AP2B1: variants seen among roughly 807,000 people sequenced by gnomAD.
AP2B1 encodes adaptor related protein complex 2 subunit beta 1.
AP2B1 carries 23 observed loss-of-function variants against 102.0 expected under a neutral mutation model. That is an observed-to-expected ratio of 0.23 (90% confidence interval 0.16 to 0.32). The LOEUF (loss-of-function observed/expected upper bound fraction) is 0.32. Among genes scored for constraint, AP2B1 ranks in the 10% least tolerant of loss-of-function variants. The pLI is 1.00. For missense variants in AP2B1, 541 were observed against 1,157.4 expected (o/e 0.47, Z 7.73); for synonymous variants, 381 against 421.2 (o/e 0.90, Z 1.17).
At chr17:35,691,787 T>G (rs587662445) in intron 18 of AP2B1, among the ~76,000 whole-genome samples, 35 of 152,344 alleles carry the variant, frequency 2.3e-4, no homozygotes, top group Admixed American at 2.3e-3. Context: ...TATGAAAGAT[T>G]AAAACATTTT....
chr17:35,680,544 AT>A (rs1439053337), intron 17 of AP2B1, among the ~76,000 whole-genome samples: 1 of 151,128 alleles, frequency 6.6e-6, no homozygotes, highest in Non-Finnish European at 1.5e-5. Flanking sequence ...AATATTTGTA[AT>A]TTTTTTCCAG....
At chr17:35,611,879 A>G (rs940216161) in intron 5 of AP2B1, among the ~76,000 whole-genome samples, 2 of 152,238 alleles carry the variant, frequency 1.3e-5, no homozygotes, top group East Asian at 1.9e-4. Context: ...TGAATTTAGT[A>G]TATCATAATA....
chr17:35,616,717 A>C (rs2074032244), intron 5 of AP2B1, among the ~76,000 whole-genome samples: 1 of 152,174 alleles, frequency 6.6e-6, no homozygotes, highest in South Asian at 2.1e-4. Context: ...AATTGTGTTT[A>C]GTCACTTCCT....
intron 18 of AP2B1, among the ~76,000 whole-genome samples, chr17:35,706,166 T>C (rs2076336971): frequency 6.6e-6 from 1 of 152,190 alleles, no homozygotes; most frequent in African/African-American, 2.4e-5. Context: ...AAATGTTGTG[T>C]GTACATTTTT....
rs938261886 is a variant in AP2B1 at position 35,632,816 on chromosome 17, A to G, written c.1156-3525A>G. On this transcript the variant is annotated intron_variant, in intron 9 of 21. Transcript: ENST00000610402. ...TGATAATACTACGGATTTACTAAATATGAGCTTTATATCAAGCACTGTGCT... is the reference window on the plus strand; with the variant it reads ...TGATAATACTACGGATTTACTAAATGTGAGCTTTATATCAAGCACTGTGCT... Among the ~76,000 whole-genome samples, 24 of 152,060 alleles carry G rather than the reference A, an allele frequency of 1.6e-4. 1 individual carries two copies. Among genetic ancestry groups the G allele is most frequent in the Non-Finnish European group, 2.8e-4 (19 of 68,014 alleles).
chr17:35,645,170 A>C (rs72828073), intron 12 of AP2B1, among the ~76,000 whole-genome samples: 22,215 of 152,194 alleles, frequency 0.15, 1,640 homozygotes, highest in Middle Eastern at 0.2. Flanking sequence ...TAAGTTTAGG[A>C]TGCAATGTGG....
intron 14 of AP2B1, among the ~76,000 whole-genome samples, chr17:35,662,994 C>T (rs896156293): frequency 2.0e-5 from 3 of 152,158 alleles, no homozygotes; most frequent in Non-Finnish European, 4.4e-5. Flanking sequence ...GACCCTCAGT[C>T]CATGTTTTTC....
At chr17:35,628,943 G>A (rs1266538615) in intron 9 of AP2B1, among the ~76,000 whole-genome samples, 1 of 150,282 alleles carries the variant, frequency 6.7e-6, no homozygotes, top group East Asian at 1.9e-4. Flanking sequence ...TTTTTTTTCT[G>A]GAGGTTTTTT....
At chr17:35,603,473 G>A (rs1457960484) in intron 3 of AP2B1, among the ~76,000 whole-genome samples, 1 of 152,140 alleles carries the variant, frequency 6.6e-6, no homozygotes, top group Admixed American at 6.5e-5. Flanking sequence ...GGTAAATCAT[G>A]AAATAACTAG....
At chr17:35,647,138 A>G (rs1046559480) in intron 12 of AP2B1, among the ~76,000 whole-genome samples, 1 of 152,220 alleles carries the variant, frequency 6.6e-6, no homozygotes, top group Admixed American at 6.5e-5. Context: ...TACAAATTCT[A>G]AAGTACATGT....
chr17:35,623,096 C>A (rs1303089265), intron 5 of AP2B1, among the ~76,000 whole-genome samples: 1 of 74,298 alleles, frequency 1.3e-5, no homozygotes, highest in Non-Finnish European at 3.0e-5. Context: ...TGTATGTATG[C>A]ATTTTTTTTT....
In AP2B1 at chr17:35,679,606, GA is replaced by G. The variant is rs2075774596; in HGVS notation, c.2325-3086del. Among the ~76,000 whole-genome samples the G allele has an allele frequency of 2.6e-5, 4 of 151,990 alleles. No homozygotes were observed. The South Asian group carries it at 8.3e-4, about 31-fold the overall frequency. ...CTTTGACAGTAGTTTTGGAGAAGGT[GA>G]AATTACAGCTTTATAGGGACTTTTT... On this transcript the variant is annotated intron_variant, in intron 17 of 21. Coordinates refer to ENST00000610402, the MANE Select transcript of AP2B1 (RefSeq NM_001030006.2).
chr17:35,626,542 C>T, intron 6 of AP2B1, 79 bp from the exon 7 acceptor site: 1 of 1,204,566 alleles, frequency 8.3e-7, no homozygotes, highest in South Asian at 1.4e-5. Context: ...GGCCATTAGA[C>T]TCTGACATAT....
At chr17:35,657,283 G>A (rs1164160167) in intron 13 of AP2B1, among the ~76,000 whole-genome samples, 1 of 152,134 alleles carries the variant, frequency 6.6e-6, no homozygotes, top group Non-Finnish European at 1.5e-5. Flanking sequence ...ATATTTTACA[G>A]TTTCTACAGA....
intron 5 of AP2B1, among the ~76,000 whole-genome samples, chr17:35,620,454 C>T (rs2074142922): frequency 6.6e-6 from 1 of 152,084 alleles, no homozygotes; most frequent in African/African-American, 2.4e-5. Flanking sequence ...TTAAAACCAA[C>T]CAACCAAACA....
At chr17:35,624,611 T>C in intron 6 of AP2B1, 24 bp downstream of exon 6, 1 of 1,600,820 alleles carries the variant, frequency 6.2e-7, no homozygotes, top group Non-Finnish European at 8.5e-7. Flanking sequence ...CCTGGCTACT[T>C]TCTGGTAGTC....
intron 3 of AP2B1, among the ~76,000 whole-genome samples, chr17:35,601,588 A>G (rs1372743714): frequency 1.1e-4 from 16 of 152,036 alleles, no homozygotes; most frequent in Non-Finnish European, 2.9e-5. Context: ...ATAGATGAAC[A>G]CTTAGTTCAT....
intron 12 of AP2B1, among the ~76,000 whole-genome samples, chr17:35,645,991 A>G (rs1427699529): frequency 1.3e-5 from 2 of 152,248 alleles, no homozygotes; most frequent in African/African-American, 4.8e-5. Flanking sequence ...GCTTGTTAAA[A>G]ATACTAATTA....
At chr17:35,631,351 TTAC>T (rs1266139085) in intron 9 of AP2B1, among the ~76,000 whole-genome samples, 1 of 152,198 alleles carries the variant, frequency 6.6e-6, no homozygotes. Context: ...CCATATTTGT[TTAC>T]TATATATAAT....
Sources: gnomAD v4.1 joint callset for allele counts (sites outside exome capture counted in the v4.1 genomes callset) on GRCh38, gnomAD v4.1.1 for gene constraint, MANE v1.5 for transcripts, NCBI Gene and HGNC (gene_info 2026-07-23, HGNC 2026-07-21) for gene names.